The following CCDC178 variants were observed in gnomAD, a reference collection of about 807,000 sequenced individuals.
The protein encoded by CCDC178 is coiled-coil domain containing 178.
A neutral mutation model predicts 117.4 loss-of-function variants in CCDC178; 126 were observed. The observed-to-expected ratio is 1.07, with a 90% CI of 0.93 to 1.24. CCDC178 has a LOEUF of 1.24. Among genes scored for constraint, CCDC178 ranks in the 50% most tolerant of loss-of-function variants. The probability of loss-of-function intolerance (pLI) is 0.00; values close to 1 mark genes in which losing one functional copy is unlikely to be tolerated. For synonymous variants in CCDC178, 283 were observed against 313.4 expected (o/e 0.90, Z 1.02); for missense variants, 1,030 against 986.9 (o/e 1.04, Z -0.59).
At chr18:33,245,809 G>A (rs1285666023) in intron 14 of CCDC178, among the ~76,000 whole-genome samples, 1 of 151,838 alleles carries the variant, frequency 6.6e-6, no homozygotes, top group African/African-American at 2.4e-5. Context: ...AAAAACCAAA[G>A]CATATACAAG....
intron 2 of CCDC178, among the ~76,000 whole-genome samples, chr18:33,426,781 G>T (rs958411577): frequency 6.6e-6 from 1 of 151,950 alleles, no homozygotes; most frequent in Non-Finnish European, 1.5e-5. Flanking sequence ...AAACAGCAAG[G>T]GCTTTGTCTG....
At position 33,224,803 on chromosome 18, in the gene CCDC178, A is replaced by G; in HGVS notation, c.1790T>C (p.Ile597Thr). 1 of 1,540,676 alleles carries G rather than the reference A, an allele frequency of 6.5e-7. No homozygotes were observed. The highest frequency in any genetic ancestry group is 8.8e-7 in the Non-Finnish European group (1 of 1,142,378). ...LLQLEDEAER[I>T]RSLDKEHSVM... ...AGAATGTTCTTTGTCGAGACTTCTG[A>G]TTCTTTCAGCTTCATCTTCTAGTTG... Residue 597 changes from isoleucine to threonine, a missense_variant, in exon 17 of 23, where the codon ATC becomes ACC. Ile to Thr is a moderately conservative substitution (Grantham distance 89, BLOSUM62 -1). Coordinates refer to ENST00000383096, the MANE Select transcript of CCDC178 (RefSeq NM_001105528.4).
At chr18:32,974,829 C>G in intron 21 of CCDC178, 148 bp from the exon 22 acceptor site, 1 of 742,546 alleles carries the variant, frequency 1.3e-6, no homozygotes, top group South Asian at 2.0e-5. Context: ...TTCACAGTCT[C>G]TTGATTTTTC....
chr18:32,950,037 G>A (rs940426195), intron 22 of CCDC178, among the ~76,000 whole-genome samples: 2 of 152,062 alleles, frequency 1.3e-5, no homozygotes, highest in African/African-American at 4.8e-5. Flanking sequence ...CATTCTCTTA[G>A]ATACAAACAT....
At chr18:33,131,343 A>T (rs2058066984) in intron 20 of CCDC178, among the ~76,000 whole-genome samples, 1 of 151,826 alleles carries the variant, frequency 6.6e-6, no homozygotes, top group Non-Finnish European at 1.5e-5. Flanking sequence ...GTTCCATTTT[A>T]AAATATTTGA....
chr18:33,373,705 C>T (rs1000069655), intron 5 of CCDC178, among the ~76,000 whole-genome samples: 4 of 152,088 alleles, frequency 2.6e-5, no homozygotes, highest in Non-Finnish European at 4.4e-5. Context: ...TCTATCTTCC[C>T]CATGAAGTTC....
At chr18:32,983,320 G>A (rs1314409873) in intron 21 of CCDC178, 1 of 1,531,506 alleles carries the variant, frequency 6.5e-7, no homozygotes, top group Admixed American at 2.0e-5. Flanking sequence ...TTGGCAGAGA[G>A]TTTGGAAGTT....
chr18:33,328,992 GT>G (rs1402875062), intron 10 of CCDC178, among the ~76,000 whole-genome samples: 1 of 151,926 alleles, frequency 6.6e-6, no homozygotes, highest in Non-Finnish European at 1.5e-5. Flanking sequence ...AAATATTATA[GT>G]TTTTGCTATA....
intron 10 of CCDC178, among the ~76,000 whole-genome samples, chr18:33,332,026 T>C (rs1391421176): frequency 1.3e-5 from 2 of 152,178 alleles, no homozygotes; most frequent in Non-Finnish European, 2.9e-5. Flanking sequence ...TTGTGAAATA[T>C]CTATCTGATG....
chr18:33,289,440 T>C (rs1185370688), intron 12 of CCDC178, among the ~76,000 whole-genome samples: 1 of 151,706 alleles, frequency 6.6e-6, no homozygotes, highest in Non-Finnish European at 1.5e-5. Context: ...ATGGTGAAAC[T>C]CCATCTCTAC....
At chr18:33,317,938 T>A (rs1220525835) in intron 11 of CCDC178, among the ~76,000 whole-genome samples, 7 of 152,068 alleles carry the variant, frequency 4.6e-5, no homozygotes. Context: ...CTCATTTCCA[T>A]GCTAAATGGA....
At chr18:33,425,041 C>CA (rs1269101623) in intron 2 of CCDC178, among the ~76,000 whole-genome samples, 1 of 152,168 alleles carries the variant, frequency 6.6e-6, no homozygotes, top group African/African-American at 2.4e-5. Context: ...AGCCAACCAC[C>CA]ATGGCACATA....
intron 20 of CCDC178, among the ~76,000 whole-genome samples, chr18:33,103,183 G>A (rs2057655821): frequency 6.6e-6 from 1 of 151,678 alleles, no homozygotes; most frequent in Non-Finnish European, 1.5e-5. Flanking sequence ...GAGGCAAAAG[G>A]CAGTTTTTGC....
chr18:33,259,851 T>C (rs1452364636), intron 14 of CCDC178, among the ~76,000 whole-genome samples: 3 of 152,212 alleles, frequency 2.0e-5, no homozygotes, highest in Non-Finnish European at 4.4e-5. Context: ...GCATACAATA[T>C]GAATTCAATA....
chr18:32,978,203 ATTTTTTTTT>A (rs34863142), intron 21 of CCDC178, among the ~76,000 whole-genome samples: 4 of 90,040 alleles, frequency 4.4e-5, no homozygotes, highest in East Asian at 7.5e-4. Flanking sequence ...CTCAAAAAAG[ATTTTTTTTT>A]TTTTTTTTTT....
intron 22 of CCDC178, among the ~76,000 whole-genome samples, chr18:32,948,860 A>G (rs2054412523): frequency 6.6e-6 from 1 of 152,072 alleles, no homozygotes; most frequent in South Asian, 2.1e-4. Flanking sequence ...TCGCTTCAGG[A>G]GACCTGTATT....
intron 20 of CCDC178, among the ~76,000 whole-genome samples, chr18:33,143,732 T>C (rs1208373821): frequency 6.6e-6 from 1 of 152,138 alleles, no homozygotes; most frequent in Non-Finnish European, 1.5e-5. Context: ...AGTGTAAAAG[T>C]TTCATTCTTT....
chr18:33,078,936 A>G (rs552566377), intron 21 of CCDC178, among the ~76,000 whole-genome samples: 2 of 152,266 alleles, frequency 1.3e-5, no homozygotes, highest in African/African-American at 4.8e-5. Flanking sequence ...CTATTTTAAA[A>G]TTAATATGAA....
At chr18:33,145,714 G>A (rs2058259577) in intron 20 of CCDC178, among the ~76,000 whole-genome samples, 1 of 152,168 alleles carries the variant, frequency 6.6e-6, no homozygotes, top group African/African-American at 2.4e-5. Flanking sequence ...TAAATGGATG[G>A]TGTGTGACCC....
Sources: gnomAD v4.1 joint callset for allele counts (sites outside exome capture counted in the v4.1 genomes callset) on GRCh38, gnomAD v4.1.1 for gene constraint, MANE v1.5 for transcripts, NCBI Gene and HGNC (gene_info 2026-07-23, HGNC 2026-07-21) for gene names.